Variants in PPARA observed in about 807,000 individuals in gnomAD.
The protein encoded by PPARA is peroxisome proliferator activated receptor alpha.
A neutral mutation model predicts 42.2 loss-of-function variants in PPARA; 22 were observed. The ratio of observed to expected loss-of-function variants is 0.52; its 90% CI spans 0.37 to 0.74. PPARA has a LOEUF of 0.74. PPARA is among the 30% of genes least tolerant of loss of function. The probability of loss-of-function intolerance (pLI) is 0.00; values close to 1 mark genes in which losing one functional copy is unlikely to be tolerated. For synonymous variants in PPARA, 242 were observed against 239.3 expected (o/e 1.01, Z -0.10); for missense variants, 465 against 608.2 (o/e 0.76, Z 2.48).
rs2147431906 is a variant in PPARA, at chr22:46,203,392, T to C, written c.208+4801T>C. On this transcript the variant is annotated intron_variant, in intron 4 of 8. Coordinates refer to ENST00000407236, the MANE Select transcript of PPARA (RefSeq NM_005036.6). The surrounding 1 kb of genome is among the most constrained non-coding windows in gnomAD (Gnocchi z 5.8). ...CACTCGGCCAAAGTACCATTTTATC[T>C]CTGCTTTTTCTTCCCGGCTTTATTG... is the stretch of plus-strand genomic sequence containing the variant. Among the ~76,000 whole-genome samples the C allele has an allele frequency of 6.6e-6, 1 of 152,310 alleles. No individual in the cohort carries two copies. The highest frequency in any genetic ancestry group is 2.1e-4 in the South Asian group (1 of 4,828).
rs1432159435 is a variant in PPARA at position 46,150,568 on chromosome 22, GC to G, written c.-293del. The G allele has an allele frequency of 1.4e-5, 2 of 145,656 alleles. No homozygotes were observed. The highest frequency in any genetic ancestry group is 4.9e-5 in the African/African-American group (2 of 40,688). The allele number at this position is 145,656 out of a possible 1,614,324, so 9.0% of individuals were successfully genotyped here. On this transcript the variant is annotated 5_prime_UTR_variant, in exon 1 of 9. Coordinates refer to ENST00000407236, the MANE Select transcript of PPARA (RefSeq NM_005036.6). The surrounding 1 kb of genome is among the most constrained non-coding windows in gnomAD (Gnocchi z 7.5). ...GCGGCGGGGGCAGCGGGCGGCGGGG[GC>G]GGAGGCGGCCGCTAGCGCCCTGCCC...
intron 2 of PPARA, among the ~76,000 whole-genome samples, chr22:46,153,700 A>G (rs1924827904): frequency 6.6e-6 from 1 of 152,018 alleles, no homozygotes; most frequent in South Asian, 2.1e-4. Flanking sequence ...CTCTACTAAA[A>G]ATACAAAAAT....
At chr22:46,201,951 C>T (rs989775277) in intron 4 of PPARA, among the ~76,000 whole-genome samples, 3 of 152,174 alleles carry the variant, frequency 2.0e-5, no homozygotes, top group Admixed American at 1.3e-4. Flanking sequence ...AGGCAGGCTC[C>T]CGCAGCCCCA....
At chr22:46,218,863 A>C (rs1349707594) in intron 6 of PPARA, among the ~76,000 whole-genome samples, 1 of 139,274 alleles carries the variant, frequency 7.2e-6, no homozygotes, top group Non-Finnish European at 1.5e-5. Context: ...AAAGAAAGAA[A>C]GAAAGAAAAT....
At chr22:46,201,344 C>T (rs372067550) in intron 4 of PPARA, among the ~76,000 whole-genome samples, 19 of 152,070 alleles carry the variant, frequency 1.2e-4, no homozygotes, top group South Asian at 2.1e-4. Flanking sequence ...CCTTTGTGAC[C>T]GAGCAGCTTT....
Position 46,180,975 on chromosome 22 carries a change from T to C in PPARA, c.-43+4139T>C, listed in dbSNP as rs1929873018. Among the ~76,000 whole-genome samples, 1 of 152,004 alleles carries C rather than the reference T, an allele frequency of 6.6e-6. No individual in the cohort carries two copies. Among genetic ancestry groups the C allele is most frequent in the Non-Finnish European group, 1.5e-5 (1 of 68,004 alleles). On this transcript the variant is annotated intron_variant, in intron 3 of 8. Transcript: ENST00000407236. This position sits in a 1 kb window ranked among gnomAD's most constrained non-coding sequence, Gnocchi z 4.2. Reference sequence around the variant, plus strand: ...TTCCTAGACAGCACAACGGAACCTATAAAGGGGTTGCAGGACGGTTCCAGC... The same window carrying C: ...TTCCTAGACAGCACAACGGAACCTACAAAGGGGTTGCAGGACGGTTCCAGC...
intron 2 of PPARA, among the ~76,000 whole-genome samples, chr22:46,158,085 A>AC (rs1208982497): frequency 6.6e-6 from 1 of 151,616 alleles, no homozygotes; most frequent in African/African-American, 2.4e-5. Flanking sequence ...AAGTTCCCCC[A>AC]CCCCCTTTCA....
At chr22:46,223,580 T>A (rs371489156) in intron 7 of PPARA, among the ~76,000 whole-genome samples, 15 of 145,984 alleles carry the variant, frequency 1.0e-4, no homozygotes, top group South Asian at 8.8e-4. Flanking sequence ...AAGGCAGAGG[T>A]TGCAGTGAGC....
intron 2 of PPARA, among the ~76,000 whole-genome samples, chr22:46,175,174 G>A (rs1397134465): frequency 6.6e-6 from 1 of 152,088 alleles, no homozygotes; most frequent in Non-Finnish European, 1.5e-5. Flanking sequence ...CTCACGTGCA[G>A]TTTTAGGAAA....
rs1251746209 is a variant in PPARA at position 46,156,349 on chromosome 22, A to C, written c.-127+4379A>C. The C allele has an allele frequency of 1.3e-5, 2 of 152,220 alleles. No individual in the cohort carries two copies. Among genetic ancestry groups the C allele is most frequent in the Non-Finnish European group, 2.9e-5 (2 of 68,052 alleles). The allele number at this position is 152,220 out of a possible 1,614,324, so 9.4% of individuals were successfully genotyped here. A position where few individuals can be genotyped will look rare whatever the true frequency, so the allele number is the denominator to read the frequency against. ...CTCTCTGAAGGGCTGTGAAGCTCGAAGTGGCAGCTTAAAAAACTGCCCATC... is the reference window on the plus strand; with the variant it reads ...CTCTCTGAAGGGCTGTGAAGCTCGACGTGGCAGCTTAAAAAACTGCCCATC... On this transcript the variant is annotated intron_variant, in intron 2 of 8. Coordinates refer to ENST00000407236, the MANE Select transcript of PPARA (RefSeq NM_005036.6). This position sits in a 1 kb window ranked among gnomAD's most constrained non-coding sequence, Gnocchi z 5.2.
At position 46,190,331 on chromosome 22, in the gene PPARA, A is replaced by T. The variant is rs1931374101; in HGVS notation, c.-42-8011A>T. On this transcript the variant is annotated intron_variant, in intron 3 of 8. Transcript: ENST00000407236. The surrounding 1 kb of genome is among the most constrained non-coding windows in gnomAD (Gnocchi z 5.6). ...AAGAAAGATGTAAATAGATTTCTGT[A>T]GGGTGGCATTATTAAGCATATTAAG... Among the ~76,000 whole-genome samples, 1 of 152,196 alleles carries T rather than the reference A, an allele frequency of 6.6e-6. No homozygotes were observed. Among genetic ancestry groups the T allele is most frequent in the Non-Finnish European group, 1.5e-5 (1 of 68,032 alleles).
chr22:46,232,752 G>T lies in PPARA; in HGVS notation c.1159+513G>T, dbSNP rs1272990123. Among the ~76,000 whole-genome samples, 1 of 151,128 alleles carries T rather than the reference G, an allele frequency of 6.6e-6. No homozygotes were observed. The highest frequency in any genetic ancestry group is 1.5e-5 in the Non-Finnish European group (1 of 67,868). ...GCCCTTTGGGAGGCTGAGGTGGGTG[G>T]ATCACTTGAGCCCAGGAGGTTGAGA... On this transcript the variant is annotated intron_variant, in intron 8 of 8. Transcript: ENST00000407236. This position sits in a 1 kb window ranked among gnomAD's most constrained non-coding sequence, Gnocchi z 5.3.
chr22:46,213,550 G>A (rs1242346310), intron 4 of PPARA, among the ~76,000 whole-genome samples: 1 of 151,656 alleles, frequency 6.6e-6, no homozygotes, highest in African/African-American at 2.4e-5. Context: ...TGGGACTACA[G>A]GCACGCACCA....
chr22:46,210,470 T>G (rs1933821055), intron 4 of PPARA, among the ~76,000 whole-genome samples: 3 of 150,696 alleles, frequency 2.0e-5, no homozygotes, highest in Non-Finnish European at 3.0e-5. Context: ...GGAGATGGAG[T>G]CTTACTCTCT....
chr22:46,185,697 C>G (rs1349409504), intron 3 of PPARA, among the ~76,000 whole-genome samples: 2 of 146,352 alleles, frequency 1.4e-5, no homozygotes, highest in East Asian at 4.0e-4. Flanking sequence ...GAGTTCAAGA[C>G]CAGCCTGGCC....
chr22:46,163,087 G>A lies in PPARA; in HGVS notation c.-127+11117G>A, dbSNP rs1019103433. ...AGGGAAACTGAGAGCAGCCTGCAGA[G>A]GGGAAAGAGCGGGGACAGAGGGTCA... On this transcript the variant is annotated intron_variant, in intron 2 of 8. Transcript: ENST00000407236. This position sits in a 1 kb window ranked among gnomAD's most constrained non-coding sequence, Gnocchi z 4.9. Among the ~76,000 whole-genome samples the A allele has an allele frequency of 7.2e-5, 11 of 152,216 alleles. No individual in the cohort carries two copies. The highest frequency in any genetic ancestry group is 1.3e-4 in the Admixed American group (2 of 15,278).
chr22:46,180,474 A>G lies in PPARA; in HGVS notation c.-43+3638A>G, dbSNP rs1569202763. On this transcript the variant is annotated intron_variant, in intron 3 of 8. Transcript: ENST00000407236. The surrounding 1 kb of genome is among the most constrained non-coding windows in gnomAD (Gnocchi z 4.2). ...CATTAATCTTATCTAGCCTCCATGT[A>G]TTTTGTAAGTTCTGTAAATTCCTGT... is the stretch of plus-strand genomic sequence containing the variant. Among the ~76,000 whole-genome samples, 1 of 152,154 alleles carries G rather than the reference A, an allele frequency of 6.6e-6. No homozygotes were observed. The highest frequency in any genetic ancestry group is 6.5e-5 in the Admixed American group (1 of 15,270).
At position 46,183,098 on chromosome 22, in the gene PPARA, T is replaced by C. The variant is rs749936403; in HGVS notation, c.-43+6262T>C. 6.6e-6 allele frequency among the ~76,000 whole-genome samples: 1 copy of C among 152,212 alleles called. No individual in the cohort carries two copies. Among genetic ancestry groups the C allele is most frequent in the Non-Finnish European group, 1.5e-5 (1 of 68,038 alleles). On this transcript the variant is annotated intron_variant, in intron 3 of 8. Transcript: ENST00000407236. This position sits in a 1 kb window ranked among gnomAD's most constrained non-coding sequence, Gnocchi z 5.5. ...GTTGTCTTGAAATAAGCATTAGAAC[T>C]GTGGCTTTGGCTCTGAAATCCTCAT...
chr22:46,200,350 G>A lies in PPARA; in HGVS notation c.208+1759G>A, dbSNP rs915923080. ...AGTACACTTAAACCCAGATGGTAGA[G>A]CCTGCTGCACACCGAGGCTCTGCGG... On this transcript the variant is annotated intron_variant, in intron 4 of 8. Coordinates refer to ENST00000407236, the MANE Select transcript of PPARA (RefSeq NM_005036.6). This position sits in a 1 kb window ranked among gnomAD's most constrained non-coding sequence, Gnocchi z 4.8. Among the ~76,000 whole-genome samples, 4 of 152,230 alleles carry A rather than the reference G, an allele frequency of 2.6e-5. No homozygotes were observed. The highest frequency in any genetic ancestry group is 5.9e-5 in the Non-Finnish European group (4 of 68,036).
Sources: allele counts gnomAD v4.1 joint callset (sites outside exome capture counted in the v4.1 genomes callset), GRCh38; gene constraint gnomAD v4.1.1; non-coding constraint Gnocchi (gnomAD v3.1); transcripts MANE v1.5; gene names NCBI Gene and HGNC (gene_info 2026-07-23, HGNC 2026-07-21).